Variants in KTN1 observed in about 807,000 individuals in gnomAD.
KTN1 encodes kinectin.
KTN1 carries 130 observed loss-of-function variants against 222.5 expected under a neutral mutation model. That is an observed-to-expected ratio of 0.58 (90% CI 0.51 to 0.68). The LOEUF (loss-of-function observed/expected upper bound fraction) is 0.68, where lower values mean the gene tolerates loss of function less well. Among genes scored for constraint, KTN1 ranks in the 30% least tolerant of loss-of-function variants. The probability of loss-of-function intolerance (pLI) is 0.00; values close to 1 mark genes in which losing one functional copy is unlikely to be tolerated. For synonymous variants in KTN1, 512 were observed against 496.3 expected (o/e 1.03, Z -0.42); for missense variants, 1,508 against 1,500.4 (o/e 1.01, Z -0.08).
chr14:55,612,308 C>T lies in KTN1; in HGVS notation c.260C>T (p.Ser87Leu). Reference protein sequence around the residue: ...SESVPRDFKLSDALAVEDDQV... With the variant: ...SESVPRDFKLLDALAVEDDQV... ...AGTGTACCTCGAGACTTTAAATTAT[C>T]AGATGCTTTGGCAGTAGAAGATGAT... is the stretch of plus-strand genomic sequence containing the variant. Residue 87 changes from serine (S) to leucine (L), a missense_variant, in exon 2 of 44, where the codon TCA becomes TTA. Physicochemically the swap from Ser to Leu is moderately radical, Grantham distance 145 (BLOSUM62 -2). Transcript: ENST00000395314. 1 of 1,613,670 alleles carries T rather than the reference C, an allele frequency of 6.2e-7. No individual in the cohort carries two copies. Among genetic ancestry groups the T allele is most frequent in the South Asian group, 1.1e-5 (1 of 90,878 alleles).
intron 1 of KTN1, among the ~76,000 whole-genome samples, chr14:55,589,656 CTTTTTT>C (rs765755065): frequency 2.0e-5 from 2 of 102,062 alleles, no homozygotes; most frequent in Admixed American, 1.3e-4. Context: ...CATCTGATTT[CTTTTTT>C]TTTTTTTTTT....
At chr14:55,631,016 C>G (rs2040441374) in intron 7 of KTN1, among the ~76,000 whole-genome samples, 1 of 152,016 alleles carries the variant, frequency 6.6e-6, no homozygotes, top group African/African-American at 2.4e-5. Context: ...TTTCACCTGT[C>G]TTCTGTCAGA....
intron 1 of KTN1, among the ~76,000 whole-genome samples, chr14:55,595,800 G>C (rs1401837613): frequency 1.3e-5 from 2 of 152,084 alleles, no homozygotes; most frequent in Non-Finnish European, 2.9e-5. Flanking sequence ...TGTGTATTGG[G>C]TTTTCCTGAT....
In KTN1 at chr14:55,646,486, TTTCCTTTCCTTTCC is replaced by T. The variant is rs1566788677; in HGVS notation, c.2173-484_2173-471del. Among the ~76,000 whole-genome samples the T allele has an allele frequency of 2.8e-3, 283 of 99,724 alleles. 4 individuals carry two copies. Among genetic ancestry groups the T allele is most frequent in the African/African-American group, 3.3e-3 (82 of 25,112 alleles). The allele number at this position is 99,724 out of a possible 152,430, so 65.4% of individuals were successfully genotyped here. ...TTTCCTTTCCTTTCCTTTCCTTTCC[TTTCCTTTCCTTTCC>T]TTTCCTTTCCTTTCCTTTCCTTTCC... On this transcript the variant is annotated intron_variant, in intron 18 of 43. Coordinates refer to ENST00000395314, the MANE Select transcript of KTN1 (RefSeq NM_001079521.2).
chr14:55,664,730 T>TTCTAATGAATTGTACAA (rs1167923700), intron 33 of KTN1, among the ~76,000 whole-genome samples: 1 of 152,142 alleles, frequency 6.6e-6, no homozygotes, highest in Non-Finnish European at 1.5e-5. Flanking sequence ...GGTGTGAAGA[T>TTCTAATGAATTGTACAA]TTCTAATGAA....
chr14:55,678,099 C>A (rs1434549956), intron 41 of KTN1, among the ~76,000 whole-genome samples: 1 of 152,156 alleles, frequency 6.6e-6, no homozygotes, highest in Non-Finnish European at 1.5e-5. Context: ...CTAATACTAA[C>A]CTAAATATCA....
At chr14:55,644,521 A>G in intron 18 of KTN1, 1 of 623,010 alleles carries the variant, frequency 1.6e-6, no homozygotes, top group Non-Finnish European at 2.9e-6. Flanking sequence ...GATAATGCAA[A>G]TAAATCATTT....
intron 2 of KTN1, among the ~76,000 whole-genome samples, chr14:55,615,017 G>A (rs1010061862): frequency 5.9e-5 from 9 of 152,144 alleles, no homozygotes; most frequent in Non-Finnish European, 1.3e-4. Flanking sequence ...AGGCATGGGA[G>A]TAGATAGCTC....
At chr14:55,634,803 G>T in intron 9 of KTN1, 145 bp downstream of exon 9, 1 of 607,074 alleles carries the variant, frequency 1.6e-6, no homozygotes, top group Non-Finnish European at 2.7e-6. Flanking sequence ...CATGGCTGGG[G>T]AGGCCTCAGG....
At chr14:55,602,467 A>G (rs2036118952) in intron 1 of KTN1, among the ~76,000 whole-genome samples, 1 of 152,234 alleles carries the variant, frequency 6.6e-6, no homozygotes, top group African/African-American at 2.4e-5. Flanking sequence ...TTATTTGTGA[A>G]CACTGTCAAA....
intron 41 of KTN1, among the ~76,000 whole-genome samples, chr14:55,677,550 C>CTCA (rs1443350475): frequency 4.0e-5 from 6 of 151,142 alleles, no homozygotes; most frequent in Non-Finnish European, 8.8e-5. Context: ...TATGTTAAAG[C>CTCA]TCACTTATGT....
chr14:55,659,621 T>C, intron 30 of KTN1, 45 bp from the exon 31 acceptor site: 3 of 1,156,300 alleles, frequency 2.6e-6, no homozygotes, highest in Non-Finnish European at 3.9e-6. Flanking sequence ...TTTTTAAGTC[T>C]CCTGAAAAGT....
chr14:55,661,175 A>G, intron 31 of KTN1: 1 of 161,460 alleles, frequency 6.2e-6, no homozygotes. Flanking sequence ...CTGCTTCTAC[A>G]TCAGTTTTAA....
chr14:55,597,913 T>C (rs1264197692), intron 1 of KTN1, among the ~76,000 whole-genome samples: 1 of 151,976 alleles, frequency 6.6e-6, no homozygotes, highest in Admixed American at 6.6e-5. Flanking sequence ...GACTACAGAA[T>C]AGATTGTAAG....
chr14:55,599,490 AGTCTC>A (rs2035618809), intron 1 of KTN1, among the ~76,000 whole-genome samples: 1 of 151,222 alleles, frequency 6.6e-6, no homozygotes, highest in Non-Finnish European at 1.5e-5. Context: ...TTTGAGACAG[AGTCTC>A]GTTCTGTTGC....
chr14:55,590,249 A>G (rs1195310877), intron 1 of KTN1, among the ~76,000 whole-genome samples: 3 of 152,208 alleles, frequency 2.0e-5, no homozygotes, highest in Admixed American at 1.3e-4. Context: ...TGTTTTATTG[A>G]AAGTTGAAAC....
intron 2 of KTN1, among the ~76,000 whole-genome samples, chr14:55,615,062 C>G (rs1310980642): frequency 6.6e-6 from 1 of 152,154 alleles, no homozygotes; most frequent in Non-Finnish European, 1.5e-5. Flanking sequence ...AGCCCCAACC[C>G]TGAGAACAAG....
chr14:55,673,440 G>C, intron 40 of KTN1, 185 bp downstream of exon 40: 1 of 406,200 alleles, frequency 2.5e-6, no homozygotes, highest in Non-Finnish European at 4.4e-6. Flanking sequence ...CTCCTAAAAT[G>C]ATCCTTCTTT....
intron 10 of KTN1, 45 bp from the exon 11 acceptor site, chr14:55,637,153 T>A: frequency 2.8e-6 from 4 of 1,430,104 alleles, no homozygotes; most frequent in Non-Finnish European, 3.8e-6. Context: ...TATGAGTAAC[T>A]AGGCAAAGAA....
Sources: allele counts gnomAD v4.1 joint callset (sites outside exome capture counted in the v4.1 genomes callset), GRCh38; gene constraint gnomAD v4.1.1; transcripts MANE v1.5; gene names NCBI Gene and HGNC (gene_info 2026-07-23, HGNC 2026-07-21).